SGIP1: variants seen among roughly 807,000 people sequenced by gnomAD.
SGIP1 encodes the protein SH3GL interacting endocytic adaptor 1.
In SGIP1, 38 loss-of-function variants were observed where a neutral mutation model predicts 107.5. The observed-to-expected ratio is 0.35, with a 90% CI of 0.27 to 0.46. SGIP1 has a LOEUF of 0.46. Ranked by LOEUF, SGIP1 falls within the 20% of genes least tolerant of loss-of-function variation. The pLI is 1.00. For synonymous variants in SGIP1, 365 were observed against 366.1 expected (o/e 1.00, Z 0.03); for missense variants, 929 against 1,019.5 (o/e 0.91, Z 1.21).
intron 1 of SGIP1, chr1:66,590,619 A>G (rs2063466241): frequency 6.6e-6 from 1 of 151,960 alleles, no homozygotes; most frequent in South Asian, 2.1e-4. Context: ...AAATGAATAA[A>G]CCCCGATACA....
chr1:66,561,373 CT>C (rs2148451488), intron 1 of SGIP1, among the ~76,000 whole-genome samples: 1 of 152,008 alleles, frequency 6.6e-6, no homozygotes, highest in Admixed American at 6.5e-5. Flanking sequence ...TGTTCACAAT[CT>C]TTCCACTACC....
At chr1:66,683,695 C>CTTTCCTTTTTTTT (rs2087367866) in intron 15 of SGIP1, among the ~76,000 whole-genome samples, 1 of 53,792 alleles carries the variant, frequency 1.9e-5, no homozygotes, top group Non-Finnish European at 4.0e-5. Context: ...TTGTTTGTTT[C>CTTTCCTTTTTTTT]TTTTCTTTTT....
At chr1:66,534,025 C>T (rs1049913241), upstream of SGIP1, 4 of 409,708 alleles carry the variant, frequency 9.8e-6, no homozygotes, top group African/African-American at 6.0e-5. Context: ...TGTGTGCTCT[C>T]CGGGGGTATT....
intron 21 of SGIP1, among the ~76,000 whole-genome samples, chr1:66,735,038 A>G (rs2094171052): frequency 6.6e-6 from 1 of 151,852 alleles, no homozygotes; most frequent in Non-Finnish European, 1.5e-5. Flanking sequence ...TATGCAATCA[A>G]TCTCTTGAAT....
At chr1:66,684,276 G>T in intron 15 of SGIP1, 1 of 1,527,998 alleles carries the variant, frequency 6.5e-7, no homozygotes, top group South Asian at 1.2e-5. Flanking sequence ...AAACTTATTT[G>T]ACTACTGACA....
chr1:66,624,796 G>C (rs901453273), intron 1 of SGIP1, among the ~76,000 whole-genome samples: 1 of 152,052 alleles, frequency 6.6e-6, no homozygotes, highest in Non-Finnish European at 1.5e-5. Flanking sequence ...TAAACATTTA[G>C]TATATTTGAA....
intron 1 of SGIP1, among the ~76,000 whole-genome samples, chr1:66,615,527 GC>G (rs1342617019): frequency 3.0e-4 from 45 of 152,112 alleles, no homozygotes; most frequent in African/African-American, 1.0e-3. Context: ...CAAAGGACTG[GC>G]CCCCTATTCC....
chr1:66,611,532 G>C (rs764140700), intron 1 of SGIP1, among the ~76,000 whole-genome samples: 15 of 152,190 alleles, frequency 9.9e-5, no homozygotes, highest in Non-Finnish European at 1.8e-4. Flanking sequence ...AACTCTTGCT[G>C]GCCAACAGTA....
intron 2 of SGIP1, among the ~76,000 whole-genome samples, chr1:66,631,667 T>G (rs190557342): frequency 1.0e-5 from 1 of 95,360 alleles, no homozygotes; most frequent in Non-Finnish European, 2.5e-5. Flanking sequence ...CTCTCTCTCT[T>G]TCTCTCTCTC....
chr1:66,569,099 C>T (rs572238315), intron 1 of SGIP1, among the ~76,000 whole-genome samples: 1 of 152,150 alleles, frequency 6.6e-6, no homozygotes, highest in African/African-American at 2.4e-5. Context: ...TTCTCCTGAG[C>T]TTATACCTGG....
At chr1:66,631,681 TTC>T (rs71058468) in intron 2 of SGIP1, among the ~76,000 whole-genome samples, 4,233 of 131,432 alleles carry the variant, frequency 0.032, 86 homozygotes, top group Non-Finnish European at 0.044. Flanking sequence ...CTCTCTCTCT[TTC>T]TCTCTCTCTC....
In SGIP1 at chr1:66,642,043, C is replaced by A. The variant is rs553588151; in HGVS notation, c.229-767C>A. Among the ~76,000 whole-genome samples, 12 of 152,328 alleles carry A rather than the reference C, an allele frequency of 7.9e-5. No homozygotes were observed. The East Asian group carries it at 1.9e-3, about 24-fold the overall frequency. ...AGTTTTTCTTTCTCCAGTTCTTCTGCCCCAAGGCTATCCTGGAACATACTT... is the reference window on the plus strand; with the variant it reads ...AGTTTTTCTTTCTCCAGTTCTTCTGACCCAAGGCTATCCTGGAACATACTT... On this transcript the variant is annotated intron_variant, in intron 5 of 24. Coordinates refer to ENST00000371037, the MANE Select transcript of SGIP1 (RefSeq NM_032291.4).
chr1:66,664,032 G>T (rs1260160489), intron 8 of SGIP1, among the ~76,000 whole-genome samples: 1 of 151,948 alleles, frequency 6.6e-6, no homozygotes, highest in African/African-American at 2.4e-5. Flanking sequence ...TTCATCTTGG[G>T]CCACTTTTAG....
At chr1:66,720,280 A>G (rs553984897) in intron 19 of SGIP1, among the ~76,000 whole-genome samples, 1 of 152,358 alleles carries the variant, frequency 6.6e-6, no homozygotes, top group South Asian at 2.1e-4. Context: ...ACCAAAAACT[A>G]AACAACTAAG....
chr1:66,660,999 AAT>A (rs2081359224), intron 8 of SGIP1, among the ~76,000 whole-genome samples: 1 of 152,152 alleles, frequency 6.6e-6, no homozygotes, highest in South Asian at 2.1e-4. Flanking sequence ...TGTTTTAGTA[AAT>A]CAAAATATTC....
At chr1:66,595,950 A>G (rs889099438) in intron 1 of SGIP1, among the ~76,000 whole-genome samples, 2 of 152,232 alleles carry the variant, frequency 1.3e-5, no homozygotes, top group Admixed American at 6.5e-5. Flanking sequence ...TGACTATTAA[A>G]GGGCAGCACA....
chr1:66,660,158 A>AGGAGGGAAGGAAGGAAGGAAG, intron 7 of SGIP1: 1 of 62,888 alleles, frequency 1.6e-5, no homozygotes, highest in Non-Finnish European at 2.6e-5. Context: ...AAAGAAAGAA[A>AGGAGGGAAGGAAGGAAGGAAG]GAAAGAAAGA....
intron 17 of SGIP1, chr1:66,695,094 A>G: frequency 4.6e-6 from 2 of 431,854 alleles, no homozygotes; most frequent in East Asian, 6.9e-5. Flanking sequence ...TTGCTGAATG[A>G]CAGTTTGCCC....
chr1:66,674,886 C>G (rs566275442), intron 12 of SGIP1, among the ~76,000 whole-genome samples: 1 of 152,284 alleles, frequency 6.6e-6, no homozygotes, highest in African/African-American at 2.4e-5. Context: ...TATAGAAGAA[C>G]TGGAGAATGA....
Sources: gnomAD v4.1 joint callset for allele counts (sites outside exome capture counted in the v4.1 genomes callset) on GRCh38, gnomAD v4.1.1 for gene constraint, MANE v1.5 for transcripts, NCBI Gene and HGNC (gene_info 2026-07-23, HGNC 2026-07-21) for gene names.